PREP: variants seen among roughly 807,000 people sequenced by gnomAD.
PREP encodes dJ355L5.1 (prolyl endopeptidase).
PREP carries 29 observed loss-of-function variants against 87.6 expected under a neutral mutation model. The ratio of observed to expected loss-of-function variants is 0.33; its 90% CI spans 0.25 to 0.45. The LOEUF is 0.45. Ranked by LOEUF, PREP falls within the 20% of genes least tolerant of loss-of-function variation. The pLI is 1.00. For missense variants in PREP, 695 were observed against 886.5 expected, an observed-to-expected ratio of 0.78 and a Z score of 2.74; for synonymous variants, 337 against 328.6, an observed-to-expected ratio of 1.03 and a Z score of -0.28.
At chr6:105,376,316 A>AAC in intron 3 of PREP, 61 bp from the exon 4 acceptor site, 1 of 1,559,700 alleles carries the variant, frequency 6.4e-7, no homozygotes, top group Non-Finnish European at 8.7e-7. Context: ...AGTAAAACCA[A>AAC]ACACACACAA....
chr6:105,381,356 G>A (rs1396276880), intron 2 of PREP, among the ~76,000 whole-genome samples: 2 of 152,034 alleles, frequency 1.3e-5, no homozygotes, highest in Non-Finnish European at 2.9e-5. Context: ...ATTTTAACCA[G>A]GGAAATGCCT....
intron 9 of PREP, 137 bp from the exon 10 acceptor site, chr6:105,323,905 A>G (rs1771082553): frequency 1.4e-6 from 1 of 729,650 alleles, no homozygotes; most frequent in South Asian, 1.7e-5. Context: ...TCCCCACCAC[A>G]GTCGAAGGCT....
intron 9 of PREP, among the ~76,000 whole-genome samples, chr6:105,326,139 A>G (rs79521830): frequency 0.067 from 10,273 of 152,262 alleles, 391 homozygotes; most frequent in East Asian, 0.17. Flanking sequence ...GAAAAAAACA[A>G]AAACAAGTCT....
chr6:105,380,019 T>G (rs979395101), intron 2 of PREP, among the ~76,000 whole-genome samples: 1 of 152,182 alleles, frequency 6.6e-6, no homozygotes, highest in African/African-American at 2.4e-5. Context: ...CTGAAAACCT[T>G]TATGGCAATT....
chr6:105,352,448 T>C (rs889497796), intron 7 of PREP, among the ~76,000 whole-genome samples: 4 of 152,224 alleles, frequency 2.6e-5, no homozygotes, highest in Non-Finnish European at 5.9e-5. Flanking sequence ...GCCACTCTAC[T>C]GATTACGTTA....
At chr6:105,317,309 ACTTAT>A (rs1318314201) in intron 10 of PREP, among the ~76,000 whole-genome samples, 2 of 152,038 alleles carry the variant, frequency 1.3e-5, no homozygotes, top group African/African-American at 2.4e-5. Context: ...AGCGAGAATA[ACTTAT>A]CTTGATAACA....
chr6:105,308,303 T>G (rs1051546884), intron 10 of PREP, among the ~76,000 whole-genome samples: 4 of 152,118 alleles, frequency 2.6e-5, no homozygotes, highest in African/African-American at 9.7e-5. Flanking sequence ...CAATACGGAA[T>G]GGGTCAACTG....
chr6:105,359,281 T>C (rs890829438), intron 6 of PREP, among the ~76,000 whole-genome samples: 2 of 152,128 alleles, frequency 1.3e-5, no homozygotes, highest in African/African-American at 4.8e-5. Context: ...GAAAAGGCCA[T>C]GTTGTAGAAC....
intron 10 of PREP, among the ~76,000 whole-genome samples, chr6:105,305,844 C>CTTTTT (rs35115122): frequency 6.9e-6 from 1 of 145,732 alleles, no homozygotes. Context: ...ATATCCTTTT[C>CTTTTT]TTTTTTTTTT....
chr6:105,369,797 C>G (rs956941907), intron 5 of PREP, among the ~76,000 whole-genome samples: 1 of 151,932 alleles, frequency 6.6e-6, no homozygotes, highest in Non-Finnish European at 1.5e-5. Context: ...ATACAAAGAA[C>G]TCAGCAATAA....
At position 105,276,006 on chromosome 6, in the gene PREP, A is replaced by G. The variant is rs115883580; in HGVS notation, c.*2138T>C. Among the ~76,000 whole-genome samples the G allele has an allele frequency of 6.2e-3, 943 of 152,346 alleles. 5 individuals carry two copies. The highest frequency in any genetic ancestry group is 0.022 in the African/African-American group (897 of 41,570). Reference sequence around the variant, plus strand: ...ATCTACTGTGCATTTCAAAATAGCTAGAAGAGAGTAATCATAAGAAAGAGC... The same window carrying G: ...ATCTACTGTGCATTTCAAAATAGCTGGAAGAGAGTAATCATAAGAAAGAGC... On this transcript the variant is annotated 3_prime_UTR_variant, in exon 15 of 15. Coordinates refer to ENST00000652536, the MANE Select transcript of PREP (RefSeq NM_002726.5).
chr6:105,337,681 T>C (rs1057205127), intron 7 of PREP, among the ~76,000 whole-genome samples: 1 of 152,246 alleles, frequency 6.6e-6, no homozygotes, highest in African/African-American at 2.4e-5. Context: ...GCATTCCTGC[T>C]TTCATTTCAT....
At chr6:105,367,522 A>C (rs1417214067) in intron 6 of PREP, among the ~76,000 whole-genome samples, 1 of 152,030 alleles carries the variant, frequency 6.6e-6, no homozygotes, top group Non-Finnish European at 1.5e-5. Context: ...AAATACAAAA[A>C]TATGCCGGGC....
intron 6 of PREP, among the ~76,000 whole-genome samples, chr6:105,354,146 G>C (rs1772030883): frequency 6.6e-6 from 1 of 152,082 alleles, no homozygotes; most frequent in Non-Finnish European, 1.5e-5. Flanking sequence ...TTTAACTGCT[G>C]TATAGTATTA....
At chr6:105,344,824 ATAATT>A (rs1771755862) in intron 7 of PREP, among the ~76,000 whole-genome samples, 1 of 152,218 alleles carries the variant, frequency 6.6e-6, no homozygotes, top group Admixed American at 6.5e-5. Flanking sequence ...AACTGAAAGT[ATAATT>A]TAATAAAAAG....
At chr6:105,364,939 C>T (rs773327360) in intron 6 of PREP, among the ~76,000 whole-genome samples, 19 of 151,842 alleles carry the variant, frequency 1.3e-4, no homozygotes, top group South Asian at 2.1e-4. Context: ...CAGCACATGC[C>T]TTTGGTACAT....
At chr6:105,314,882 A>G (rs60055210) in intron 10 of PREP, among the ~76,000 whole-genome samples, 4,299 of 152,264 alleles carry the variant, frequency 0.028, 205 homozygotes, top group African/African-American at 0.1. Flanking sequence ...AGCCTTACAA[A>G]TGTAGTCAAA....
intron 5 of PREP, among the ~76,000 whole-genome samples, chr6:105,371,348 C>T (rs1772537298): frequency 6.6e-6 from 1 of 151,150 alleles, no homozygotes; most frequent in Admixed American, 6.6e-5. Context: ...ACTAAAAATA[C>T]AAAAAAAATT....
At chr6:105,288,977 C>G in intron 10 of PREP, 83 bp from the exon 11 acceptor site, 1 of 1,388,340 alleles carries the variant, frequency 7.2e-7, no homozygotes, top group Non-Finnish European at 9.9e-7. Context: ...ATAGTAAATT[C>G]TCTCTTCATG....
Sources: gnomAD v4.1 joint callset for allele counts (sites outside exome capture counted in the v4.1 genomes callset) on GRCh38, gnomAD v4.1.1 for gene constraint, MANE v1.5 for transcripts, NCBI Gene and HGNC (gene_info 2026-07-23, HGNC 2026-07-21) for gene names.